The following MYO16 variants were observed in gnomAD, a reference collection of about 807,000 sequenced individuals.
MYO16 encodes the protein unconventional myosin-XVI.
In MYO16, 94 loss-of-function variants were observed where a neutral mutation model predicts 205.3. That is an observed-to-expected ratio of 0.46 (90% CI 0.39 to 0.54). The LOEUF (loss-of-function observed/expected upper bound fraction) is 0.54, where lower values mean the gene tolerates loss of function less well. Among genes scored for constraint, MYO16 ranks in the 20% least tolerant of loss-of-function variants. MYO16 has a pLI of 0.00. For missense variants in MYO16, 2,315 were observed against 2,387.5 expected (o/e 0.97, Z 0.63); for synonymous variants, 988 against 954.0 (o/e 1.04, Z -0.66).
intron 32 of MYO16, among the ~76,000 whole-genome samples, chr13:109,154,875 G>A (rs1215823528): frequency 1.6e-5 from 2 of 128,502 alleles, no homozygotes; most frequent in East Asian, 4.9e-4. Flanking sequence ...GGCCAAGCAG[G>A]CATGTTGTTT....
At chr13:109,087,664 C>G (rs772910141) in intron 27 of MYO16, among the ~76,000 whole-genome samples, 9 of 152,124 alleles carry the variant, frequency 5.9e-5, no homozygotes, top group Non-Finnish European at 1.2e-4. Flanking sequence ...GAACTAAAAA[C>G]TCCACAACGC....
chr13:108,560,418 T>C, the MYO16 span, among the ~76,000 whole-genome samples: 3 of 152,354 alleles, frequency 2.0e-5, no homozygotes, highest in Admixed American at 6.5e-5. Flanking sequence ...ATAAAATTTC[T>C]GGTAGGAAAC....
intron 32 of MYO16, among the ~76,000 whole-genome samples, chr13:109,157,013 A>T (rs1878083007): frequency 6.6e-6 from 1 of 151,950 alleles, no homozygotes; most frequent in Admixed American, 6.6e-5. Flanking sequence ...AACAAGTACA[A>T]CCCCAGATGC....
chr13:108,722,977 T>C (rs1884217630), intron 3 of MYO16, among the ~76,000 whole-genome samples: 1 of 152,076 alleles, frequency 6.6e-6, no homozygotes, highest in Non-Finnish European at 1.5e-5. Flanking sequence ...CACCTATTGC[T>C]TACTTGAATC....
At chr13:109,091,660 C>T (rs1230202027) in intron 27 of MYO16, among the ~76,000 whole-genome samples, 1 of 152,188 alleles carries the variant, frequency 6.6e-6, no homozygotes, top group Non-Finnish European at 1.5e-5. Context: ...TTGGACGGCT[C>T]CCATCCAGTC....
At chr13:108,644,015 A>T (rs902462453) in intron 1 of MYO16, among the ~76,000 whole-genome samples, 3 of 152,212 alleles carry the variant, frequency 2.0e-5, no homozygotes, top group Non-Finnish European at 4.4e-5. Context: ...CAAGTTCAAC[A>T]CAGAATATTT....
At chr13:108,799,783 G>T (rs531421190) in intron 6 of MYO16, among the ~76,000 whole-genome samples, 1 of 152,068 alleles carries the variant, frequency 6.6e-6, no homozygotes, top group Non-Finnish European at 1.5e-5. Flanking sequence ...TCCGTAGAAG[G>T]GAAGGTGGAC....
chr13:108,687,976 T>C (rs990919695), intron 2 of MYO16, among the ~76,000 whole-genome samples: 1 of 152,164 alleles, frequency 6.6e-6, no homozygotes, highest in African/African-American at 2.4e-5. Flanking sequence ...GCAGAGTGAC[T>C]ATAGGTTTTT....
rs571226726 is a variant in MYO16 at position 109,116,631 on chromosome 13, C to T, written c.3439-3739C>T. Among the ~76,000 whole-genome samples, 5 of 152,286 alleles carry T rather than the reference C, an allele frequency of 3.3e-5. No individual in the cohort carries two copies. The South Asian group carries it at 6.2e-4, about 19-fold the overall frequency. On this transcript the variant is annotated intron_variant, in intron 28 of 34. Transcript: ENST00000457511. ...GTTCACTTCAACCTCTGTGTCTACTCTTCCTATAATTTACCCTCCATATCT... is the reference window on the plus strand; with the variant it reads ...GTTCACTTCAACCTCTGTGTCTACTTTTCCTATAATTTACCCTCCATATCT...
At chr13:108,696,657 G>C (rs1480227716) in intron 2 of MYO16, among the ~76,000 whole-genome samples, 4 of 152,148 alleles carry the variant, frequency 2.6e-5, no homozygotes, top group Admixed American at 6.5e-5. Context: ...TGAGCTGAAT[G>C]ATAGTTACAC....
chr13:108,602,957 A>T (rs1022665696), intron 1 of MYO16, among the ~76,000 whole-genome samples: 1 of 152,202 alleles, frequency 6.6e-6, no homozygotes, highest in Admixed American at 6.5e-5. Flanking sequence ...ACCTGGAAAA[A>T]TGTCCAGTTT....
chr13:108,866,460 AT>A (rs1878722523), intron 12 of MYO16, among the ~76,000 whole-genome samples: 1 of 152,224 alleles, frequency 6.6e-6, no homozygotes, highest in Non-Finnish European at 1.5e-5. Flanking sequence ...AAAATGTGTA[AT>A]TTGTTTATGA....
chr13:108,863,331 G>C (rs2139119094), intron 11 of MYO16, among the ~76,000 whole-genome samples: 1 of 152,006 alleles, frequency 6.6e-6, no homozygotes, highest in East Asian at 1.9e-4. Context: ...CTATGCCATA[G>C]GTATCATTAC....
chr13:108,757,603 A>G (rs1030539422), intron 4 of MYO16, among the ~76,000 whole-genome samples: 11 of 152,000 alleles, frequency 7.2e-5, no homozygotes, highest in African/African-American at 2.7e-4. Flanking sequence ...AACATTAGGT[A>G]TATCTCCTAA....
At chr13:108,569,129 A>G in the MYO16 span, among the ~76,000 whole-genome samples, 18 of 152,072 alleles carry the variant, frequency 1.2e-4, no homozygotes, top group Non-Finnish European at 2.1e-4. Context: ...TTTCAAGATT[A>G]TTTTGGCTAG....
chr13:108,766,398 CCT>C (rs1885777738), intron 4 of MYO16, among the ~76,000 whole-genome samples: 1 of 152,230 alleles, frequency 6.6e-6, no homozygotes, highest in Non-Finnish European at 1.5e-5. Flanking sequence ...CAGCCTCTCC[CCT>C]GACTGCCATG....
intron 31 of MYO16, among the ~76,000 whole-genome samples, chr13:109,129,369 A>G (rs1876421579): frequency 6.6e-6 from 1 of 152,118 alleles, no homozygotes; most frequent in African/African-American, 2.4e-5. Flanking sequence ...ATTAGATGAG[A>G]TCGTCCATAG....
At chr13:108,629,931 T>C (rs1383578825) in intron 1 of MYO16, 59 bp downstream of exon 1, 1 of 1,450,396 alleles carries the variant, frequency 6.9e-7, no homozygotes, top group Non-Finnish European at 9.3e-7. Context: ...TATTATTTTG[T>C]GCAGATGCCA....
intron 23 of MYO16, among the ~76,000 whole-genome samples, chr13:109,025,256 G>A (rs277817): frequency 0.98 from 148,577 of 152,296 alleles, 72,555 homozygotes; most frequent in East Asian, 1. Flanking sequence ...GGAGGGACTC[G>A]CCTATCCTGA....
Sources: allele counts gnomAD v4.1 joint callset (sites outside exome capture counted in the v4.1 genomes callset), GRCh38; gene constraint gnomAD v4.1.1; transcripts MANE v1.5; gene names NCBI Gene and HGNC (gene_info 2026-07-23, HGNC 2026-07-21).